Variants in PIWIL3 observed in about 807,000 individuals in gnomAD.
PIWIL3 encodes piwi like RNA-mediated gene silencing 3.
In PIWIL3, 101 loss-of-function variants were observed where a neutral mutation model predicts 109.7. The ratio of observed to expected loss-of-function variants is 0.92; its 90% CI spans 0.78 to 1.09. The LOEUF is 1.09. PIWIL3 is among the 50% of genes least tolerant of loss of function. The pLI, the probability that PIWIL3 is intolerant of heterozygous loss-of-function variation, is 0.00. For synonymous variants in PIWIL3, 373 were observed against 376.4 expected, an observed-to-expected ratio of 0.99 and a Z score of 0.10; for missense variants, 1,031 against 1,072.6, an observed-to-expected ratio of 0.96 and a Z score of 0.54.
Position 24,729,757 on chromosome 22 carries a change from T to G in PIWIL3, c.1708-1383A>C, listed in dbSNP as rs1187648805. On this transcript the variant is annotated intron_variant, in intron 14 of 20. Transcript: ENST00000616349. ...ACATGAAAGGGTGTAGAATTTCAAATGCATTGTCTGCATTGACAAGTATTT... is the reference window on the plus strand; with the variant it reads ...ACATGAAAGGGTGTAGAATTTCAAAGGCATTGTCTGCATTGACAAGTATTT... 3.9e-5 allele frequency among the ~76,000 whole-genome samples: 6 copies of G among 152,340 alleles called. No individual in the cohort carries two copies. The East Asian group carries it at 1.2e-3, about 29-fold the overall frequency.
chr22:24,742,202 A>C (rs1924050230), intron 12 of PIWIL3, among the ~76,000 whole-genome samples: 1 of 151,920 alleles, frequency 6.6e-6, no homozygotes, highest in African/African-American at 2.4e-5. Context: ...AGGAGGTAAA[A>C]GACCTCTATA....
At chr22:24,766,835 G>C (rs1299093224) in intron 1 of PIWIL3, among the ~76,000 whole-genome samples, 1 of 151,898 alleles carries the variant, frequency 6.6e-6, no homozygotes, top group African/African-American at 2.4e-5. Context: ...TCCAGACTCA[G>C]TTGTGCACTG....
chr22:24,763,682 G>A (rs1218861109), intron 1 of PIWIL3, among the ~76,000 whole-genome samples: 1 of 152,108 alleles, frequency 6.6e-6, no homozygotes, highest in Admixed American at 6.5e-5. Flanking sequence ...ACGCTTGTCT[G>A]TATGAGTCAG....
At chr22:24,724,628 G>T (rs1464165180) in intron 18 of PIWIL3, among the ~76,000 whole-genome samples, 1 of 151,854 alleles carries the variant, frequency 6.6e-6, no homozygotes, top group East Asian at 1.9e-4. Context: ...GTAGAGACGG[G>T]GTTTCTCCAT....
chr22:24,736,362 ATAAAC>A (rs1252884882), intron 12 of PIWIL3, among the ~76,000 whole-genome samples: 3 of 152,224 alleles, frequency 2.0e-5, no homozygotes, highest in African/African-American at 7.2e-5. Flanking sequence ...CTTAGTGCAA[ATAAAC>A]TTAATTTTAT....
At chr22:24,765,348 G>A (rs559955788) in intron 1 of PIWIL3, among the ~76,000 whole-genome samples, 2 of 152,210 alleles carry the variant, frequency 1.3e-5, no homozygotes, top group South Asian at 2.1e-4. Flanking sequence ...AAAAACCAGC[G>A]CATCTGCTAC....
intron 12 of PIWIL3, among the ~76,000 whole-genome samples, chr22:24,736,158 T>A (rs1036934286): frequency 6.6e-6 from 1 of 152,118 alleles, no homozygotes; most frequent in Non-Finnish European, 1.5e-5. Context: ...CAAACTCCAG[T>A]ATAAACAGTA....
intron 5 of PIWIL3, 35 bp downstream of exon 5, chr22:24,756,456 A>G (rs749829394): frequency 4.4e-6 from 7 of 1,575,000 alleles, no homozygotes; most frequent in Non-Finnish European, 6.1e-6. Flanking sequence ...AACAAGAGAA[A>G]GAACACAGGA....
At chr22:24,747,687 G>T (rs889965386) in intron 12 of PIWIL3, among the ~76,000 whole-genome samples, 7 of 152,092 alleles carry the variant, frequency 4.6e-5, no homozygotes, top group African/African-American at 1.7e-4. Flanking sequence ...ATATGAAAAA[G>T]TGCTGATATC....
chr22:24,737,308 T>A (rs1485226848), intron 12 of PIWIL3, among the ~76,000 whole-genome samples: 1 of 152,110 alleles, frequency 6.6e-6, no homozygotes, highest in Non-Finnish European at 1.5e-5. Flanking sequence ...GGACCCTAGC[T>A]CTTAGATGAC....
Position 24,755,831 on chromosome 22 carries a change from C to T in PIWIL3, c.645G>A (p.Thr215=), listed in dbSNP as rs777932640. 8 of 1,613,750 alleles carry T rather than the reference C, an allele frequency of 5.0e-6. No homozygotes were observed. Among genetic ancestry groups the T allele is most frequent in the Admixed American group, 1.7e-5 (1 of 59,982 alleles). Reference sequence around the variant, plus strand: ...AGCGTAGGCAATCTGGCGACGTGGGCGTGAGTTCTTTGGAAAACTCAACTG... The same window carrying T: ...AGCGTAGGCAATCTGGCGACGTGGGTGTGAGTTCTTTGGAAAACTCAACTG... ...KITVEFSKEL[T]PTSPDCLRYY... is the part of the protein sequence containing the mutation. The change falls in exon 6 of 21, where the codon ACG becomes ACA. Residue 215 remains threonine (T), a synonymous_variant. Coordinates refer to ENST00000616349, the MANE Select transcript of PIWIL3 (RefSeq NM_001255975.1).
chr22:24,761,967 G>T (rs1569111434), intron 2 of PIWIL3: 1 of 988,970 alleles, frequency 1.0e-6, no homozygotes. Flanking sequence ...GGATCCTGCT[G>T]TGTGAATGTA....
chr22:24,748,202 T>C (rs1350874884), intron 12 of PIWIL3, among the ~76,000 whole-genome samples: 1 of 152,214 alleles, frequency 6.6e-6, no homozygotes, highest in African/African-American at 2.4e-5. Context: ...TTACATGTTC[T>C]CACTTATTTG....
chr22:24,736,479 G>C (rs940995219), intron 12 of PIWIL3, among the ~76,000 whole-genome samples: 9 of 152,198 alleles, frequency 5.9e-5, no homozygotes, highest in South Asian at 2.1e-4. Context: ...TCTTTTAGTG[G>C]GAACTTTATT....
At chr22:24,757,773 G>A in intron 4 of PIWIL3, 135 bp downstream of exon 4, 1 of 1,056,570 alleles carries the variant, frequency 9.5e-7, no homozygotes, top group Non-Finnish European at 1.3e-6. Flanking sequence ...GCTGAGCCCA[G>A]GAGTTTGAGG....
chr22:24,769,253 C>A (rs1338573758), intron 1 of PIWIL3, among the ~76,000 whole-genome samples: 1 of 152,278 alleles, frequency 6.6e-6, no homozygotes, highest in South Asian at 2.1e-4. Flanking sequence ...TTGTTTAAAG[C>A]AGGAATGTCC....
At chr22:24,728,128 C>T (rs738827) in intron 15 of PIWIL3, 49 bp downstream of exon 15, 1,122,754 of 1,607,502 alleles carry the variant, frequency 0.7, 396,108 homozygotes, top group East Asian at 0.8. Flanking sequence ...AAGAGAATCT[C>T]AAGTTTTATT....
intron 9 of PIWIL3, among the ~76,000 whole-genome samples, chr22:24,750,680 GT>G (rs1245074479): frequency 2.0e-5 from 3 of 149,564 alleles, no homozygotes; most frequent in Non-Finnish European, 4.5e-5. Context: ...TAGAGACGGG[GT>G]TTCTCCGTTT....
chr22:24,749,445 T>C lies in PIWIL3; in HGVS notation c.1293A>G (p.Arg431=), dbSNP rs758848736. Residue 431 remains arginine, a synonymous_variant, in exon 11 of 21, where the codon AGA becomes AGG. Coordinates refer to ENST00000616349, the MANE Select transcript of PIWIL3 (RefSeq NM_001255975.1). ...TGAATTCTTTTAATGTATGATGCCT[T>C]CTTCTTGGACTCAATCTTGTATGTT... The part of the protein sequence containing the change: ...LAKHTRLSPR[R]RHHTLKEFIN... 7 of 1,613,948 alleles carry C rather than the reference T, an allele frequency of 4.3e-6. No homozygotes were observed. Among genetic ancestry groups the C allele is most frequent in the African/African-American group, 1.3e-5 (1 of 75,054 alleles).
Sources: gnomAD v4.1 joint callset for allele counts (sites outside exome capture counted in the v4.1 genomes callset) on GRCh38, gnomAD v4.1.1 for gene constraint, MANE v1.5 for transcripts, NCBI Gene and HGNC (gene_info 2026-07-23, HGNC 2026-07-21) for gene names.